Variants in ERBB4 observed in about 807,000 individuals in gnomAD.
ERBB4 encodes the protein receptor tyrosine-protein kinase erbB-4.
A neutral mutation model predicts 158.0 loss-of-function variants in ERBB4; 42 were observed. The ratio of observed to expected loss-of-function variants is 0.27; its 90% CI spans 0.21 to 0.34. The LOEUF is 0.34. Among genes scored for constraint, ERBB4 ranks in the 10% least tolerant of loss-of-function variants. The probability of loss-of-function intolerance (pLI) is 1.00; values close to 1 mark genes in which losing one functional copy is unlikely to be tolerated. For synonymous variants in ERBB4, 583 were observed against 558.7 expected, an observed-to-expected ratio of 1.04 and a Z score of -0.61; for missense variants, 1,333 against 1,624.1, an observed-to-expected ratio of 0.82 and a Z score of 3.08.
chr2:211,471,889 C>A (rs1043710590), intron 20 of ERBB4, among the ~76,000 whole-genome samples: 1 of 151,952 alleles, frequency 6.6e-6, no homozygotes, highest in African/African-American at 2.4e-5. Context: ...TGCCTGTAAC[C>A]CCAATGACTC....
At chr2:212,277,313 C>T (rs567972781) in intron 1 of ERBB4, among the ~76,000 whole-genome samples, 5 of 151,762 alleles carry the variant, frequency 3.3e-5, no homozygotes, top group African/African-American at 1.2e-4. Flanking sequence ...TAGTAAATGT[C>T]AAGTTTTAAA....
rs1056833278 is a variant in ERBB4, at chr2:211,381,838, T to A, written c.*1777A>T. 11 of 228,486 alleles carry A rather than the reference T, an allele frequency of 4.8e-5. No homozygotes were observed. The highest frequency in any genetic ancestry group is 1.3e-4 in the East Asian group (2 of 15,870). 14.2% of individuals were successfully genotyped at this position (228,486 alleles called of 1,614,324 possible). A position where few individuals can be genotyped will look rare whatever the true frequency, so the allele number is the denominator to read the frequency against. ...ATATTTTAACATTAGAAATATTTTT[T>A]AAAAATCTAAATGACTTGGGGTAGA... On this transcript the variant is annotated 3_prime_UTR_variant, in exon 28 of 28. Coordinates refer to ENST00000342788, the MANE Select transcript of ERBB4 (RefSeq NM_005235.3).
chr2:212,434,980 G>T (rs1001049556), intron 1 of ERBB4, among the ~76,000 whole-genome samples: 1 of 151,960 alleles, frequency 6.6e-6, no homozygotes, highest in Non-Finnish European at 1.5e-5. Context: ...ATCTGAAGCT[G>T]AACTCAAGCT....
chr2:212,011,285 T>C (rs1324284356), intron 2 of ERBB4, among the ~76,000 whole-genome samples: 1 of 152,172 alleles, frequency 6.6e-6, no homozygotes, highest in Non-Finnish European at 1.5e-5. Flanking sequence ...GTCCCTCCGT[T>C]TGGGGGTCCC....
At chr2:212,151,457 T>C (rs2080866289) in intron 1 of ERBB4, among the ~76,000 whole-genome samples, 1 of 151,610 alleles carries the variant, frequency 6.6e-6, no homozygotes, top group African/African-American at 2.4e-5. Flanking sequence ...TACCTTGTCA[T>C]GCACTCCATA....
chr2:211,959,835 C>T (rs553556752), intron 2 of ERBB4, among the ~76,000 whole-genome samples: 2 of 152,114 alleles, frequency 1.3e-5, no homozygotes, highest in African/African-American at 4.8e-5. Flanking sequence ...CATGACCTGG[C>T]CCCTTAGTAG....
At chr2:211,917,077 G>A (rs1443102861) in intron 3 of ERBB4, among the ~76,000 whole-genome samples, 1 of 152,150 alleles carries the variant, frequency 6.6e-6, no homozygotes, top group Non-Finnish European at 1.5e-5. Flanking sequence ...GCTGATGTGA[G>A]GATTTTAAAG....
intron 2 of ERBB4, among the ~76,000 whole-genome samples, chr2:211,993,138 TGAA>T (rs2082118904): frequency 1.3e-5 from 2 of 152,190 alleles, no homozygotes; most frequent in Admixed American, 1.3e-4. Context: ...TACCTTATAT[TGAA>T]GACTCTGGCA....
intron 3 of ERBB4, among the ~76,000 whole-genome samples, chr2:211,943,473 G>C (rs538226756): frequency 6.6e-6 from 1 of 152,132 alleles, no homozygotes. Flanking sequence ...GATGCAGTAG[G>C]GACCTTCCCA....
At chr2:212,154,209 T>C (rs2080961437) in intron 1 of ERBB4, among the ~76,000 whole-genome samples, 1 of 152,042 alleles carries the variant, frequency 6.6e-6, no homozygotes, top group Admixed American at 6.6e-5. Context: ...TACACCAAGT[T>C]AAAAGGGAAA....
intron 2 of ERBB4, among the ~76,000 whole-genome samples, chr2:211,960,945 A>G (rs188881687): frequency 3.3e-5 from 5 of 152,270 alleles, no homozygotes; most frequent in Admixed American, 2.0e-4. Flanking sequence ...TAATTGTAAT[A>G]AATGTGTACC....
At chr2:212,205,603 T>C (rs1471112267) in intron 1 of ERBB4, among the ~76,000 whole-genome samples, 2 of 152,146 alleles carry the variant, frequency 1.3e-5, no homozygotes, top group Non-Finnish European at 2.9e-5. Flanking sequence ...AATATTAAAA[T>C]TAAAATTGAT....
intron 20 of ERBB4, among the ~76,000 whole-genome samples, chr2:211,530,789 C>G (rs2066477494): frequency 6.6e-6 from 1 of 152,064 alleles, no homozygotes; most frequent in South Asian, 2.1e-4. Flanking sequence ...ACTCAGGAGG[C>G]TGAAGTGGGA....
At chr2:211,515,735 G>A (rs890491882) in intron 20 of ERBB4, among the ~76,000 whole-genome samples, 1 of 150,608 alleles carries the variant, frequency 6.6e-6, no homozygotes, top group Non-Finnish European at 1.5e-5. Flanking sequence ...CAGAGCACAG[G>A]GATGTGGTCC....
At chr2:211,570,402 G>C (rs754675536) in intron 19 of ERBB4, among the ~76,000 whole-genome samples, 1 of 135,414 alleles carries the variant, frequency 7.4e-6, no homozygotes, top group Non-Finnish European at 1.5e-5. Flanking sequence ...CTGACCTCAA[G>C]TGATCCACCC....
chr2:212,379,614 A>T (rs13030279), intron 1 of ERBB4, among the ~76,000 whole-genome samples: 72,505 of 151,252 alleles, frequency 0.48, 18,802 homozygotes, highest in African/African-American at 0.68. Flanking sequence ...CAGCTCTTTA[A>T]CTTTAATAAA....
In ERBB4 at chr2:211,431,047, A is replaced by C. The variant is rs1273428634; in HGVS notation, c.2541T>G (p.Arg847=). ...GGTTTGGAGATTTCACTAAGACATTACGGGCTGCCAAATCCCGATGAACGA... is the reference window on the plus strand; with the variant it reads ...GGTTTGGAGATTTCACTAAGACATTCCGGGCTGCCAAATCCCGATGAACGA... ...RRLVHRDLAA[R]NVLVKSPNHV... The change falls in exon 21 of 28, where the codon CGT becomes CGG. Residue 847 remains arginine, a synonymous_variant. Coordinates refer to ENST00000342788, the MANE Select transcript of ERBB4 (RefSeq NM_005235.3). 5 of 1,613,800 alleles carry C rather than the reference A, an allele frequency of 3.1e-6. No homozygotes were observed. The highest frequency in any genetic ancestry group is 4.2e-6 in the Non-Finnish European group (5 of 1,179,814).
intron 12 of ERBB4, among the ~76,000 whole-genome samples, chr2:211,698,000 T>C (rs2073087697): frequency 6.6e-6 from 1 of 152,172 alleles, no homozygotes; most frequent in African/African-American, 2.4e-5. Flanking sequence ...TAGTCCAGCA[T>C]ACTTCTATAA....
intron 1 of ERBB4, among the ~76,000 whole-genome samples, chr2:212,454,028 C>A (rs563001214): frequency 6.6e-6 from 1 of 152,014 alleles, no homozygotes; most frequent in South Asian, 2.1e-4. Flanking sequence ...GCAACCTTCA[C>A]CTCCCAGGTT....
Sources: allele counts gnomAD v4.1 joint callset (sites outside exome capture counted in the v4.1 genomes callset), GRCh38; gene constraint gnomAD v4.1.1; transcripts MANE v1.5; gene names NCBI Gene and HGNC (gene_info 2026-07-23, HGNC 2026-07-21).